WWOX: variants seen among roughly 807,000 people sequenced by gnomAD.
WWOX encodes WW domain-containing oxidoreductase.
In WWOX, 69 loss-of-function variants were observed where a neutral mutation model predicts 46.2. The ratio of observed to expected loss-of-function variants is 1.49; its 90% CI spans 1.23 to 1.82. The LOEUF (loss-of-function observed/expected upper bound fraction) is 1.82, where lower values mean the gene tolerates loss of function less well. WWOX is among the 40% of genes most tolerant of loss of function. The pLI, the probability that WWOX is intolerant of heterozygous loss-of-function variation, is 0.00. For missense variants in WWOX, 919 were observed against 542.6 expected (o/e 1.69, Z -6.89); for synonymous variants, 359 against 202.6 (o/e 1.77, Z -6.56).
chr16:79,085,836 A>G (rs2048844520), intron 8 of WWOX, among the ~76,000 whole-genome samples: 1 of 152,164 alleles, frequency 6.6e-6, no homozygotes, highest in Non-Finnish European at 1.5e-5. Context: ...ACTTGAGGCC[A>G]GGAGTTCAAG....
chr16:78,798,077 G>T (rs1375049960), intron 8 of WWOX, among the ~76,000 whole-genome samples: 1 of 152,162 alleles, frequency 6.6e-6, no homozygotes, highest in African/African-American at 2.4e-5. Flanking sequence ...TGTTTCTGGG[G>T]AAGCTGAGGT....
At chr16:79,124,077 C>G (rs987441733) in intron 8 of WWOX, among the ~76,000 whole-genome samples, 3 of 151,882 alleles carry the variant, frequency 2.0e-5, no homozygotes, top group Non-Finnish European at 1.5e-5. Flanking sequence ...TCGGAGCACT[C>G]GTGCTCTGAA....
intron 8 of WWOX, among the ~76,000 whole-genome samples, chr16:79,076,292 C>A (rs1445118473): frequency 6.6e-6 from 1 of 152,158 alleles, no homozygotes; most frequent in Non-Finnish European, 1.5e-5. Context: ...TCACTTTTTC[C>A]TAGTATCTGG....
chr16:78,169,866 C>T (rs2035097773), intron 5 of WWOX, among the ~76,000 whole-genome samples: 1 of 152,062 alleles, frequency 6.6e-6, no homozygotes, highest in Non-Finnish European at 1.5e-5. Context: ...GCCAGGCCCT[C>T]ACTAGATCTG....
intron 5 of WWOX, among the ~76,000 whole-genome samples, chr16:78,318,015 G>A (rs2080390175): frequency 6.6e-6 from 1 of 152,108 alleles, no homozygotes; most frequent in South Asian, 2.1e-4. Flanking sequence ...ACAGTATTTG[G>A]ACCGCTGCCT....
chr16:78,116,964 G>C (rs957328853), intron 4 of WWOX, among the ~76,000 whole-genome samples: 1 of 152,188 alleles, frequency 6.6e-6, no homozygotes. Flanking sequence ...TGCAACAGCA[G>C]ACCTGCGACA....
intron 8 of WWOX, among the ~76,000 whole-genome samples, chr16:78,885,096 C>T (rs1023737021): frequency 3.9e-5 from 6 of 152,066 alleles, no homozygotes; most frequent in Admixed American, 3.3e-4. Context: ...CTGGCAACTT[C>T]TGAAATAACA....
At position 78,369,618 on chromosome 16, in the gene WWOX, G is replaced by GGC. The variant is rs537838576; in HGVS notation, c.517-17241_517-17240dup. On this transcript the variant is annotated intron_variant, in intron 5 of 8. Transcript: ENST00000566780. ...TTAATGTCTGGGCAAAACTCAAAGA[G>GGC]GCAAACATTTTCATTACATACTGTT... is the stretch of plus-strand genomic sequence containing the variant. Among the ~76,000 whole-genome samples, 9 of 151,914 alleles carry GGC rather than the reference G, an allele frequency of 5.9e-5. No homozygotes were observed. The East Asian group carries it at 1.8e-3, about 30-fold the overall frequency.
chr16:78,814,242 A>T (rs556234578), intron 8 of WWOX, among the ~76,000 whole-genome samples: 1 of 152,154 alleles, frequency 6.6e-6, no homozygotes, highest in Non-Finnish European at 1.5e-5. Context: ...TCTTACATCA[A>T]CAATTTTTCA....
intron 8 of WWOX, among the ~76,000 whole-genome samples, chr16:78,956,005 A>C (rs35316384): frequency 0.062 from 9,419 of 152,088 alleles, 390 homozygotes; most frequent in Non-Finnish European, 0.093. Flanking sequence ...AAAAAACACA[A>C]AAAAAACTTT....
chr16:78,164,105 G>A, intron 4 of WWOX, 78 bp from the exon 5 acceptor site: 2 of 1,321,340 alleles, frequency 1.5e-6, no homozygotes, highest in Non-Finnish European at 2.1e-6. Flanking sequence ...TTTAAGTGGT[G>A]CTCCGGTAAA....
chr16:78,875,731 A>G (rs2044221405), intron 8 of WWOX, among the ~76,000 whole-genome samples: 1 of 152,176 alleles, frequency 6.6e-6, no homozygotes, highest in South Asian at 2.1e-4. Context: ...GTCGATTACA[A>G]CTGTGTCTAC....
At chr16:79,132,871 G>A (rs1473615716) in intron 8 of WWOX, among the ~76,000 whole-genome samples, 2 of 152,162 alleles carry the variant, frequency 1.3e-5, no homozygotes, top group Non-Finnish European at 2.9e-5. Context: ...ACATAAATAT[G>A]CTTCAAACCA....
chr16:78,819,787 C>T (rs1409148954), intron 8 of WWOX, among the ~76,000 whole-genome samples: 1 of 152,224 alleles, frequency 6.6e-6, no homozygotes, highest in Non-Finnish European at 1.5e-5. Context: ...GCATTTTCAT[C>T]CGTAAACAAA....
Position 78,139,539 on chromosome 16 carries a change from G to A in WWOX, c.409+24385G>A, listed in dbSNP as rs534567481. Among the ~76,000 whole-genome samples, 544 of 152,240 alleles carry A rather than the reference G, an allele frequency of 3.6e-3. 3 individuals carry two copies. The highest frequency in any genetic ancestry group is 0.012 in the African/African-American group (503 of 41,542). ...AGGCGCCTATAATCCCAGCTACTCG[G>A]GAGGCTGAGGCAGGAGAATTGCTTG... On this transcript the variant is annotated intron_variant, in intron 4 of 8. Coordinates refer to ENST00000566780, the MANE Select transcript of WWOX (RefSeq NM_016373.4).
intron 8 of WWOX, among the ~76,000 whole-genome samples, chr16:78,820,174 G>C (rs2051454154): frequency 6.6e-6 from 1 of 152,078 alleles, no homozygotes; most frequent in South Asian, 2.1e-4. Flanking sequence ...GGAGACATAG[G>C]AGAAGCCCCC....
intron 8 of WWOX, among the ~76,000 whole-genome samples, chr16:79,136,001 T>C (rs2049974772): frequency 6.6e-6 from 1 of 152,222 alleles, no homozygotes; most frequent in South Asian, 2.1e-4. Context: ...TGTTTGTCGT[T>C]TGTTTGCAAC....
chr16:78,183,096 G>T (rs570059761), intron 5 of WWOX, among the ~76,000 whole-genome samples: 1 of 152,088 alleles, frequency 6.6e-6, no homozygotes, highest in East Asian at 1.9e-4. Context: ...TCCTTATTTA[G>T]TCAACAAGCA....
At chr16:78,106,669 C>T (rs2151663259) in intron 1 of WWOX, among the ~76,000 whole-genome samples, 1 of 152,196 alleles carries the variant, frequency 6.6e-6, no homozygotes, top group Non-Finnish European at 1.5e-5. Context: ...GCCTGCCTTG[C>T]CCTCCTGAAG....
Sources: gnomAD v4.1 joint callset for allele counts (sites outside exome capture counted in the v4.1 genomes callset) on GRCh38, gnomAD v4.1.1 for gene constraint, MANE v1.5 for transcripts, NCBI Gene and HGNC (gene_info 2026-07-23, HGNC 2026-07-21) for gene names.